The following EPHX4 variants were observed in gnomAD, a reference collection of about 807,000 sequenced individuals.
The protein encoded by EPHX4 is abhydrolase domain containing 7.
In EPHX4, 31 loss-of-function variants were observed where a neutral mutation model predicts 44.9. The observed-to-expected ratio is 0.69, with a 90% CI of 0.52 to 0.93. The LOEUF is 0.93. EPHX4 is among the 40% of genes least tolerant of loss of function. The pLI, the probability that EPHX4 is intolerant of heterozygous loss-of-function variation, is 0.00. For missense variants in EPHX4, 373 were observed against 438.1 expected, an observed-to-expected ratio of 0.85 and a Z score of 1.33; for synonymous variants, 151 against 159.7, an observed-to-expected ratio of 0.95 and a Z score of 0.41.
intron 5 of EPHX4, among the ~76,000 whole-genome samples, chr1:92,052,176 T>C (rs1044425401): frequency 6.6e-6 from 1 of 152,220 alleles, no homozygotes; most frequent in Non-Finnish European, 1.5e-5. Context: ...GGCTTATCTT[T>C]TATTTCCTGC....
chr1:92,050,869 C>T lies in EPHX4; in HGVS notation c.708+449C>T, dbSNP rs529712958. On this transcript the variant is annotated intron_variant, in intron 5 of 6. Coordinates refer to ENST00000370383, the MANE Select transcript of EPHX4 (RefSeq NM_173567.5). ...TTTTTGTTTTGCTTTGTTTTTGAGA[C>T]AGGAATTTGCTTTGTCACCCAGGCT... Among the ~76,000 whole-genome samples the T allele has an allele frequency of 3.3e-5, 5 of 152,260 alleles. No homozygotes were observed. The South Asian group carries it at 8.3e-4, about 25-fold the overall frequency.
Position 92,063,161 on chromosome 1 carries a change from G to C in EPHX4, c.964G>C (p.Val322Leu). Residue 322 changes from valine (V) to leucine (L), a missense_variant, in exon 7 of 7, where the codon GTT becomes CTT. Coordinates refer to ENST00000370383, the MANE Select transcript of EPHX4 (RefSeq NM_173567.5). ...GATGGCTGAAGTCACAAAGATTTAT[G>C]TTAAAAACTATTTCAGGCTAACTAT... is the stretch of plus-strand genomic sequence containing the variant. ...VEMAEVTKIY[V>L]KNYFRLTILS... 5.0e-6 allele frequency: 8 copies of C among 1,614,094 alleles called. No individual in the cohort carries two copies. The highest frequency in any genetic ancestry group is 6.8e-6 in the Non-Finnish European group (8 of 1,180,016).
intron 2 of EPHX4, among the ~76,000 whole-genome samples, chr1:92,034,467 AT>A (rs1414152003): frequency 2.6e-5 from 4 of 152,060 alleles, no homozygotes; most frequent in African/African-American, 9.7e-5. Context: ...TATCTGGTAT[AT>A]TTTGAAAGGT....
At chr1:92,040,620 C>T (rs1378908709) in intron 2 of EPHX4, among the ~76,000 whole-genome samples, 2 of 151,786 alleles carry the variant, frequency 1.3e-5, no homozygotes, top group Non-Finnish European at 2.9e-5. Flanking sequence ...CCACCGCACC[C>T]GGCCTAATTT....
At chr1:92,043,757 G>A (rs1688545641) in intron 3 of EPHX4, 1 of 152,256 alleles carries the variant, frequency 6.6e-6, no homozygotes, top group African/African-American at 2.4e-5. Context: ...CAGGCTGCAG[G>A]TCCAGCTGGG....
chr1:92,055,363 G>A (rs1191389776), intron 6 of EPHX4, among the ~76,000 whole-genome samples: 1 of 152,148 alleles, frequency 6.6e-6, no homozygotes, highest in South Asian at 2.1e-4. Context: ...AGCAGGTATT[G>A]ATTTAAATAA....
intron 6 of EPHX4, among the ~76,000 whole-genome samples, chr1:92,057,668 C>T (rs373589464): frequency 4.6e-5 from 7 of 151,602 alleles, no homozygotes; most frequent in South Asian, 2.1e-4. Context: ...GGTGCAATCT[C>T]GGCTCACTGC....
In EPHX4 at chr1:92,030,185, C is replaced by T; in HGVS notation, c.106C>T (p.Leu36=). ...CTGCGGGCTCTGCGCCTCCATCCAC[C>T]TGCTCAAACTTTTGTGGAGCCTCGG... The part of the protein sequence containing the change: ...CYCGLCASIH[L]LKLLWSLGKG... The change falls in exon 1 of 7, where the codon CTG becomes TTG. Residue 36 remains leucine (L), a synonymous_variant. Coordinates refer to ENST00000370383, the MANE Select transcript of EPHX4 (RefSeq NM_173567.5). 6.2e-7 allele frequency: 1 copy of T among 1,611,834 alleles called. No individual in the cohort carries two copies. Among genetic ancestry groups the T allele is most frequent in the South Asian group, 1.1e-5 (1 of 90,640 alleles).
intron 6 of EPHX4, among the ~76,000 whole-genome samples, chr1:92,062,452 G>A (rs1647518778): frequency 6.6e-6 from 1 of 151,788 alleles, no homozygotes; most frequent in Admixed American, 6.6e-5. Flanking sequence ...AGGCGCATTG[G>A]CAGGCACCTG....
rs772780358 is a variant in EPHX4 at position 92,030,259 on chromosome 1, C to T, written c.180C>T (p.Pro60=). The change falls in exon 1 of 7, where the codon CCC becomes CCT. Residue 60 remains proline, a synonymous_variant. Transcript: ENST00000370383. ...GGCGGCCCGCCCGGGAGCACCCTCCCGCGTGCCTGAGCGACCCCTCCTTGG... is the reference window on the plus strand; with the variant it reads ...GGCGGCCCGCCCGGGAGCACCCTCCTGCGTGCCTGAGCGACCCCTCCTTGG... ...TFRRPAREHP[P]ACLSDPSLGT... is the part of the protein sequence containing the mutation. 6.2e-7 allele frequency: 1 copy of T among 1,602,200 alleles called. No individual in the cohort carries two copies. The highest frequency in any genetic ancestry group is 2.3e-5 in the East Asian group (1 of 44,290).
rs377421759 is a variant in EPHX4, at chr1:92,032,549, C to T, written c.276C>T (p.Gly92=). ...RFHYVAAGER[G]KPLMLLLHGF... ...ACTATGTTGCTGCTGGAGAAAGAGG[C>T]AAACCACTTATGCTGCTGCTTCATG... The change falls in exon 2 of 7, where the codon GGC becomes GGT. Residue 92 remains glycine (G), a synonymous_variant. Transcript: ENST00000370383. The T allele has an allele frequency of 1.9e-6, 3 of 1,613,982 alleles. No homozygotes were observed. The African/African-American group carries it at 4.0e-5, about 22-fold the overall frequency.
chr1:92,050,606 G>A (rs1647231954), intron 5 of EPHX4, among the ~76,000 whole-genome samples, 186 bp downstream of exon 5: 1 of 152,008 alleles, frequency 6.6e-6, no homozygotes. Context: ...ATACCTGGCT[G>A]TTCTTCAAAT....
chr1:92,050,448 G>T, intron 5 of EPHX4, 28 bp downstream of exon 5: 2 of 1,140,940 alleles, frequency 1.8e-6, no homozygotes, highest in Non-Finnish European at 1.2e-6. Flanking sequence ...AACAAATAAT[G>T]TATTATTATT....
At chr1:92,049,973 C>G (rs1415640667) in intron 4 of EPHX4, among the ~76,000 whole-genome samples, 1 of 151,776 alleles carries the variant, frequency 6.6e-6, no homozygotes, top group African/African-American at 2.4e-5. Flanking sequence ...GTGGTGGGCA[C>G]CTGTAATCCT....
chr1:92,037,867 T>C (rs910244019), intron 2 of EPHX4, among the ~76,000 whole-genome samples: 1 of 152,242 alleles, frequency 6.6e-6, no homozygotes, highest in Non-Finnish European at 1.5e-5. Flanking sequence ...TTAGGGTTAC[T>C]GCTTTTGTAA....
chr1:92,060,922 C>G (rs1380938899), intron 6 of EPHX4, among the ~76,000 whole-genome samples: 1 of 151,638 alleles, frequency 6.6e-6, no homozygotes, highest in Non-Finnish European at 1.5e-5. Context: ...GCTCTGTTCC[C>G]CAGACTGGAG....
At position 92,052,862 on chromosome 1, in the gene EPHX4, T is replaced by C. The variant is rs146868386; in HGVS notation, c.857+204T>C. ...AGAGTAATATAACAAATCCTTCATG[T>C]AGCTGTCACTTGTTTTATCCATAAC... is the stretch of plus-strand genomic sequence containing the variant. On this transcript the variant is annotated intron_variant, in intron 6 of 6. Transcript: ENST00000370383. Among the ~76,000 whole-genome samples the C allele has an allele frequency of 1.6e-3, 251 of 152,344 alleles. 2 individuals carry two copies. The highest frequency in any genetic ancestry group is 5.6e-3 in the African/African-American group (232 of 41,576).
chr1:92,032,712 C>A, intron 2 of EPHX4, 122 bp downstream of exon 2: 1 of 862,584 alleles, frequency 1.2e-6, no homozygotes. Flanking sequence ...AAATGATTTT[C>A]TCAGAGTTCT....
intron 6 of EPHX4, among the ~76,000 whole-genome samples, chr1:92,056,028 C>T (rs960642366): frequency 1.3e-5 from 2 of 151,464 alleles, no homozygotes; most frequent in Non-Finnish European, 2.9e-5. Flanking sequence ...AGAATGAGAG[C>T]GAGCAGGCCT....
Sources: allele counts gnomAD v4.1 joint callset (sites outside exome capture counted in the v4.1 genomes callset), GRCh38; gene constraint gnomAD v4.1.1; transcripts MANE v1.5; gene names NCBI Gene and HGNC (gene_info 2026-07-23, HGNC 2026-07-21).